Variants in DAD1 observed in about 807,000 individuals in gnomAD.
DAD1 encodes the protein dolichyl-diphosphooligosaccharide--protein glycosyltransferase subunit DAD1.
Under a neutral mutation model 9.0 loss-of-function variants are expected in DAD1, and 4 were observed. The observed-to-expected ratio is 0.44, with a 90% CI of 0.22 to 1.01. The LOEUF (loss-of-function observed/expected upper bound fraction) is 1.01. DAD1 is among the 50% of genes least tolerant of loss of function. The pLI, the probability that DAD1 is intolerant of heterozygous loss-of-function variation, is 0.24. For missense variants in DAD1, 119 were observed against 137.3 expected (o/e 0.87, Z 0.67); for synonymous variants, 60 against 62.5 (o/e 0.96, Z 0.19).
intron 2 of DAD1, among the ~76,000 whole-genome samples, chr14:22,570,723 C>A (rs2037033015): frequency 6.6e-6 from 1 of 152,194 alleles, no homozygotes; most frequent in African/African-American, 2.4e-5. Context: ...AACCCTGTAG[C>A]CCCCTTGTTC....
chr14:22,580,062 C>T (rs1370550498), intron 1 of DAD1, among the ~76,000 whole-genome samples: 1 of 151,864 alleles, frequency 6.6e-6, no homozygotes, highest in Non-Finnish European at 1.5e-5. Flanking sequence ...CAGCAATCCT[C>T]CCGCCTCTGC....
intron 2 of DAD1, among the ~76,000 whole-genome samples, chr14:22,573,181 G>GTT (rs34572621): frequency 0.094 from 13,782 of 147,120 alleles, 1,134 homozygotes; most frequent in African/African-American, 0.22. Flanking sequence ...ACACTTTTGG[G>GTT]TTTTTTTTTT....
chr14:22,577,015 G>A (rs925087486), intron 1 of DAD1, among the ~76,000 whole-genome samples: 2 of 152,164 alleles, frequency 1.3e-5, no homozygotes, highest in Non-Finnish European at 2.9e-5. Context: ...CTAACAAGTG[G>A]GAAAATCAAA....
intron 1 of DAD1, among the ~76,000 whole-genome samples, chr14:22,575,518 C>T (rs145079910): frequency 4.5e-4 from 68 of 151,892 alleles, no homozygotes; most frequent in African/African-American, 1.6e-3. Context: ...ATGAATTGCA[C>T]AAGTAAGTTG....
chr14:22,579,010 T>C (rs914315412), intron 1 of DAD1, among the ~76,000 whole-genome samples: 1 of 152,190 alleles, frequency 6.6e-6, no homozygotes, highest in African/African-American at 2.4e-5. Context: ...TATTTTCTAA[T>C]AGAATATTCA....
chr14:22,580,768 G>C (rs896107300), intron 1 of DAD1, among the ~76,000 whole-genome samples: 1 of 152,134 alleles, frequency 6.6e-6, no homozygotes, highest in Non-Finnish European at 1.5e-5. Flanking sequence ...GAGGTGGTAG[G>C]GGGTGGCCAT....
intron 1 of DAD1, among the ~76,000 whole-genome samples, chr14:22,588,707 G>C (rs1406319148): frequency 6.6e-6 from 1 of 152,210 alleles, no homozygotes; most frequent in African/African-American, 2.4e-5. Flanking sequence ...GGATCACCAA[G>C]TGGAGTAGCG....
chr14:22,589,080 C>A lies in DAD1; in HGVS notation c.78G>T (p.Leu26Phe). 6.2e-7 allele frequency: 1 copy of A among 1,614,242 alleles called. No individual in the cohort carries two copies. Among genetic ancestry groups the A allele is most frequent in the Non-Finnish European group, 8.5e-7 (1 of 1,180,042 alleles). ...YLSSTPQRLK[L>F]LDAYLLYILL... ...GTATATACAGCAGGTACGCGTCCAG[C>A]AACTTCAGACGCTGCGGAGTGGAGC... Residue 26 changes from leucine to phenylalanine, a missense_variant, in exon 1 of 3, where the codon TTG (leucine) becomes TTT (phenylalanine). Coordinates refer to ENST00000250498, the MANE Select transcript of DAD1 (RefSeq NM_001344.4).
At position 22,573,473 on chromosome 14, in the gene DAD1, G is replaced by A. The variant is rs867400245; in HGVS notation, c.*44+1586C>T. Among the ~76,000 whole-genome samples the A allele has an allele frequency of 2.6e-5, 4 of 152,034 alleles. 1 individual carries two copies. In the Middle Eastern group the frequency reaches 0.01, roughly 388 times the overall value. On this transcript the variant is annotated intron_variant, in intron 2 of 2. Coordinates refer to ENST00000250498, the MANE Select transcript of DAD1 (RefSeq NM_001344.4). ...TGGTTCTTAAAAGTTTTTCACTGTT[G>A]GGAGGCCAAGGCGGGCGGATCACCA...
intron 2 of DAD1, among the ~76,000 whole-genome samples, chr14:22,566,153 C>T (rs1594878582): frequency 1.3e-5 from 2 of 152,112 alleles, no homozygotes; most frequent in African/African-American, 4.8e-5. Context: ...TACATAATTG[C>T]AGAACATTCC....
At chr14:22,577,204 C>T (rs2037083216) in intron 1 of DAD1, among the ~76,000 whole-genome samples, 1 of 152,174 alleles carries the variant, frequency 6.6e-6, no homozygotes, top group African/African-American at 2.4e-5. Flanking sequence ...GAGGCTGAAC[C>T]AGGCGGATCA....
intron 2 of DAD1, among the ~76,000 whole-genome samples, chr14:22,569,641 G>C (rs1299935627): frequency 6.6e-6 from 1 of 152,190 alleles, no homozygotes; most frequent in Non-Finnish European, 1.5e-5. Flanking sequence ...AGTCATCCAA[G>C]CTGGGAGGAT....
intron 1 of DAD1, among the ~76,000 whole-genome samples, chr14:22,583,692 G>A (rs7147961): frequency 0.091 from 13,843 of 151,994 alleles, 1,195 homozygotes; most frequent in African/African-American, 0.22. Context: ...TTAATGACAC[G>A]GAACAGAGGA....
At chr14:22,585,348 C>G (rs556104340) in intron 1 of DAD1, among the ~76,000 whole-genome samples, 3 of 152,322 alleles carry the variant, frequency 2.0e-5, no homozygotes, top group African/African-American at 7.2e-5. Context: ...ACTTATCCCT[C>G]CTAAATAGCA....
intron 2 of DAD1, among the ~76,000 whole-genome samples, chr14:22,573,966 G>A (rs1422857205): frequency 1.3e-5 from 2 of 152,114 alleles, no homozygotes; most frequent in Non-Finnish European, 2.9e-5. Flanking sequence ...CTAGATTTCT[G>A]CTGGTTAGTA....
chr14:22,565,898 C>T (rs973618282), intron 2 of DAD1, among the ~76,000 whole-genome samples: 1 of 152,180 alleles, frequency 6.6e-6, no homozygotes, highest in Non-Finnish European at 1.5e-5. Context: ...CTATAAGCAA[C>T]TGATTTTCCC....
At chr14:22,574,993 C>T in intron 2 of DAD1, 66 bp downstream of exon 2, 1 of 1,411,410 alleles carries the variant, frequency 7.1e-7, no homozygotes, top group Non-Finnish European at 9.6e-7. Context: ...ATGATCAAAA[C>T]CAGTCCCATC....
At chr14:22,588,815 T>A in intron 1 of DAD1, 132 bp downstream of exon 1, 1 of 902,140 alleles carries the variant, frequency 1.1e-6, no homozygotes, top group Non-Finnish European at 1.6e-6. Flanking sequence ...AATTTCCCCA[T>A]TCACAACAAA....
At chr14:22,574,182 T>C (rs1430917108) in intron 2 of DAD1, among the ~76,000 whole-genome samples, 1 of 152,196 alleles carries the variant, frequency 6.6e-6, no homozygotes, top group Non-Finnish European at 1.5e-5. Context: ...ACCGCTAGAC[T>C]AGGGCACTTC....
Sources: allele counts gnomAD v4.1 joint callset (sites outside exome capture counted in the v4.1 genomes callset), GRCh38; gene constraint gnomAD v4.1.1; transcripts MANE v1.5; gene names NCBI Gene and HGNC (gene_info 2026-07-23, HGNC 2026-07-21).